Variants in ZPBP observed in about 807,000 individuals in gnomAD.
The protein encoded by ZPBP is zona pellucida-binding protein 1.
In ZPBP, 26 loss-of-function variants were observed where a neutral mutation model predicts 44.8. The observed-to-expected ratio is 0.58, with a 90% CI of 0.43 to 0.81. The LOEUF (loss-of-function observed/expected upper bound fraction) is 0.81, where lower values mean the gene tolerates loss of function less well. ZPBP is among the 30% of genes least tolerant of loss of function. The pLI is 0.00. For synonymous variants in ZPBP, 174 were observed against 153.2 expected, an observed-to-expected ratio of 1.14 and a Z score of -1.00; for missense variants, 409 against 434.0, an observed-to-expected ratio of 0.94 and a Z score of 0.51.
At chr7:49,993,160 G>A (rs1797642970) in intron 6 of ZPBP, among the ~76,000 whole-genome samples, 1 of 151,996 alleles carries the variant, frequency 6.6e-6, no homozygotes, top group African/African-American at 2.4e-5. Flanking sequence ...GGTAAAAAAA[G>A]TTTAATCAAT....
intron 4 of ZPBP, among the ~76,000 whole-genome samples, chr7:50,039,887 T>G (rs1203808659): frequency 1.3e-5 from 2 of 152,160 alleles, no homozygotes; most frequent in Non-Finnish European, 2.9e-5. Flanking sequence ...AGAGTAACAT[T>G]TCTATAGCTT....
chr7:49,912,047 T>A, intron 1 of ZPBP: 1 of 1,613,808 alleles, frequency 6.2e-7, no homozygotes, highest in Non-Finnish European at 8.5e-7. Flanking sequence ...CAAACTGCTT[T>A]GCAGAAACCG....
At chr7:49,885,849 A>G (rs1469698269) in intron 2 of ZPBP, among the ~76,000 whole-genome samples, 2 of 152,266 alleles carry the variant, frequency 1.3e-5, no homozygotes, top group Non-Finnish European at 2.9e-5. Context: ...CCGCTGCAGC[A>G]TTCAGGGTAC....
chr7:49,953,738 TAAAC>T (rs1795451772), intron 7 of ZPBP, among the ~76,000 whole-genome samples: 1 of 151,920 alleles, frequency 6.6e-6, no homozygotes, highest in African/African-American at 2.4e-5. Context: ...TTCAGGGAAA[TAAAC>T]AATCAAAACC....
At chr7:49,892,317 AT>A (rs1792178097) in intron 2 of ZPBP, among the ~76,000 whole-genome samples, 1 of 152,030 alleles carries the variant, frequency 6.6e-6, no homozygotes, top group African/African-American at 2.4e-5. Flanking sequence ...AAGTGCTGGG[AT>A]TACAAGCGTG....
intron 2 of ZPBP, among the ~76,000 whole-genome samples, chr7:49,867,981 A>G (rs1246209169): frequency 6.6e-6 from 1 of 152,062 alleles, no homozygotes; most frequent in East Asian, 1.9e-4. Context: ...TTACAGGTGC[A>G]TACCACTATA....
intron 1 of ZPBP, chr7:49,919,433 A>G (rs1198416641): frequency 6.6e-6 from 1 of 152,194 alleles, no homozygotes; most frequent in Non-Finnish European, 1.5e-5. Context: ...ATTTTCTGAT[A>G]CATAGTAGCT....
intron 3 of ZPBP, among the ~76,000 whole-genome samples, chr7:50,070,397 C>T (rs1367644315): frequency 6.6e-6 from 1 of 152,198 alleles, no homozygotes; most frequent in Non-Finnish European, 1.5e-5. Context: ...TATTGTCCTA[C>T]AGCCCCGTAC....
At chr7:49,841,981 C>T in the ZPBP span, among the ~76,000 whole-genome samples, 1 of 152,090 alleles carries the variant, frequency 6.6e-6, no homozygotes, top group African/African-American at 2.4e-5. Flanking sequence ...ATTCTCCTGT[C>T]TCAGCCTCCT....
intron 4 of ZPBP, among the ~76,000 whole-genome samples, chr7:50,036,933 T>C (rs868225919): frequency 6.6e-6 from 1 of 151,738 alleles, no homozygotes; most frequent in East Asian, 1.9e-4. Context: ...GACAGTAAAA[T>C]CCATGATACA....
At chr7:50,012,150 A>T (rs1012272028) in intron 6 of ZPBP, among the ~76,000 whole-genome samples, 2 of 152,126 alleles carry the variant, frequency 1.3e-5, no homozygotes, top group Admixed American at 6.6e-5. Context: ...AATATCAGAA[A>T]GATAATATTA....
intron 4 of ZPBP, among the ~76,000 whole-genome samples, chr7:50,050,496 G>C (rs891104897): frequency 5.3e-5 from 8 of 151,940 alleles, no homozygotes; most frequent in African/African-American, 1.9e-4. Flanking sequence ...CAACTCAATG[G>C]AGGAAGAATA....
the ZPBP span, among the ~76,000 whole-genome samples, chr7:49,842,931 A>C: frequency 2.0e-5 from 3 of 152,112 alleles, no homozygotes; most frequent in Non-Finnish European, 2.9e-5. Flanking sequence ...AGAAGAATAC[A>C]TGTGCAGGTT....
chr7:50,058,454 T>C (rs1195931529), intron 3 of ZPBP, among the ~76,000 whole-genome samples: 5 of 152,192 alleles, frequency 3.3e-5, no homozygotes, highest in Non-Finnish European at 5.9e-5. Context: ...AAATGCAGTA[T>C]ACATATATAC....
At chr7:49,937,681 T>C (rs1794671145) in intron 7 of ZPBP, 59 bp from the exon 8 acceptor site, 2 of 1,355,894 alleles carry the variant, frequency 1.5e-6, no homozygotes, top group Non-Finnish European at 1.1e-6. Flanking sequence ...ATATAAAATT[T>C]CCAATCTCAA....
At chr7:49,953,120 C>CA (rs1283673453) in intron 7 of ZPBP, among the ~76,000 whole-genome samples, 3 of 151,998 alleles carry the variant, frequency 2.0e-5, no homozygotes, top group Admixed American at 2.0e-4. Flanking sequence ...AGTGAGTTTT[C>CA]AAATTATGTT....
At chr7:49,854,592 C>A (rs1790337935) in intron 2 of ZPBP, among the ~76,000 whole-genome samples, 1 of 152,176 alleles carries the variant, frequency 6.6e-6, no homozygotes, top group Admixed American at 6.5e-5. Flanking sequence ...TGTTTGAGTT[C>A]TTTGCAGATT....
intron 4 of ZPBP, among the ~76,000 whole-genome samples, chr7:50,055,216 T>C (rs1562593047): frequency 6.6e-6 from 1 of 152,126 alleles, no homozygotes; most frequent in Non-Finnish European, 1.5e-5. Flanking sequence ...TGGACAGATA[T>C]TTAAATGTTT....
intron 6 of ZPBP, among the ~76,000 whole-genome samples, chr7:49,999,909 AATAATCG>A (rs1798021359): frequency 6.6e-6 from 1 of 152,186 alleles, no homozygotes; most frequent in Non-Finnish European, 1.5e-5. Flanking sequence ...ACCACAGGAT[AATAATCG>A]ATCTTTCTTC....
Sources: gnomAD v4.1 joint callset for allele counts (sites outside exome capture counted in the v4.1 genomes callset) on GRCh38, gnomAD v4.1.1 for gene constraint, MANE v1.5 for transcripts, NCBI Gene and HGNC (gene_info 2026-07-23, HGNC 2026-07-21) for gene names.